The following GREB1L variants were observed in gnomAD, a reference collection of about 807,000 sequenced individuals.
GREB1L encodes the protein GREB1 like retinoic acid receptor coactivator.
Under a neutral mutation model 200.8 loss-of-function variants are expected in GREB1L, and 17 were observed. The ratio of observed to expected loss-of-function variants is 0.08; its 90% confidence interval spans 0.06 to 0.13. GREB1L has a LOEUF of 0.13. Ranked by LOEUF, GREB1L falls within the 10% of genes least tolerant of loss-of-function variation. GREB1L has a pLI of 1.00. For missense variants in GREB1L, 1,657 were observed against 2,367.7 expected (o/e 0.70, Z 6.23); for synonymous variants, 789 against 893.0 (o/e 0.88, Z 2.08).
chr18:21,267,276 G>T (rs1371691767), intron 1 of GREB1L, among the ~76,000 whole-genome samples: 1 of 150,768 alleles, frequency 6.6e-6, no homozygotes. Context: ...CTGCCTCCCG[G>T]GTTCAAGCGA....
At chr18:21,279,710 A>G (rs113667057) in intron 1 of GREB1L, among the ~76,000 whole-genome samples, 2 of 151,888 alleles carry the variant, frequency 1.3e-5, no homozygotes, top group Non-Finnish European at 2.9e-5. Flanking sequence ...TTTTCACAGG[A>G]TCGATCATCA....
intron 31 of GREB1L, among the ~76,000 whole-genome samples, chr18:21,519,979 G>A (rs1030574052): frequency 6.7e-6 from 1 of 150,370 alleles, no homozygotes; most frequent in Non-Finnish European, 1.5e-5. Flanking sequence ...GGAGTGCAAT[G>A]GTGCAATCTC....
intron 30 of GREB1L, among the ~76,000 whole-genome samples, chr18:21,517,479 C>T (rs2037461084): frequency 6.6e-6 from 1 of 152,154 alleles, no homozygotes; most frequent in African/African-American, 2.4e-5. Context: ...CTGCCTCAGC[C>T]ACCACGCACC....
At chr18:21,404,090 A>G (rs1016893739) in intron 7 of GREB1L, 96 bp downstream of exon 7, 14 of 1,073,860 alleles carry the variant, frequency 1.3e-5, no homozygotes, top group Non-Finnish European at 1.7e-5. Context: ...TTGAATAGAG[A>G]TATTTCAAAA....
At chr18:21,393,064 A>T (rs1407061947) in intron 4 of GREB1L, among the ~76,000 whole-genome samples, 1 of 151,950 alleles carries the variant, frequency 6.6e-6, no homozygotes, top group Non-Finnish European at 1.5e-5. Context: ...GAGCCACTGC[A>T]CCTCGCCTCA....
intron 2 of GREB1L, among the ~76,000 whole-genome samples, chr18:21,373,690 A>G (rs1413773937): frequency 6.6e-6 from 1 of 152,170 alleles, no homozygotes; most frequent in Non-Finnish European, 1.5e-5. Context: ...TCAAACTCTC[A>G]ATAATCAGGA....
intron 7 of GREB1L, among the ~76,000 whole-genome samples, chr18:21,419,178 T>A (rs1438748269): frequency 1.3e-5 from 2 of 152,198 alleles, no homozygotes; most frequent in African/African-American, 4.8e-5. Context: ...TGTCTAGGTT[T>A]ATGTAAGTAT....
intron 5 of GREB1L, among the ~76,000 whole-genome samples, chr18:21,397,328 TA>T (rs918044524): frequency 6.6e-6 from 1 of 150,390 alleles, no homozygotes; most frequent in East Asian, 2.0e-4. Flanking sequence ...CCGTCTCTAC[TA>T]AAAAAAACCC....
chr18:21,462,604 C>G (rs953470862), intron 15 of GREB1L, among the ~76,000 whole-genome samples: 3 of 152,182 alleles, frequency 2.0e-5, no homozygotes, highest in African/African-American at 7.2e-5. Flanking sequence ...TACACACCAC[C>G]ACACCCAGCT....
chr18:21,433,993 C>A (rs1274644667), intron 7 of GREB1L, among the ~76,000 whole-genome samples: 2 of 152,030 alleles, frequency 1.3e-5, no homozygotes, highest in East Asian at 3.9e-4. Flanking sequence ...TTTTCTTAAT[C>A]CAAAGAGCTT....
chr18:21,388,525 T>C (rs1475594215), intron 4 of GREB1L, among the ~76,000 whole-genome samples: 3 of 147,458 alleles, frequency 2.0e-5, no homozygotes, highest in Non-Finnish European at 4.5e-5. Context: ...TTATGTCTCC[T>C]TAGGTTCCTT....
intron 1 of GREB1L, among the ~76,000 whole-genome samples, chr18:21,317,234 C>A (rs2038885017): frequency 6.6e-6 from 1 of 150,658 alleles, no homozygotes; most frequent in South Asian, 2.1e-4. Context: ...ATTAATCAAT[C>A]AATTCAATCA....
chr18:21,440,382 A>G lies in GREB1L; in HGVS notation c.1063A>G (p.Arg355Gly). 6.4e-7 allele frequency: 1 copy of G among 1,551,636 alleles called. No homozygotes were observed. The highest frequency in any genetic ancestry group is 1.4e-5 in the African/African-American group (1 of 73,138). The change falls in exon 9 of 33, where the codon AGA becomes GGA. Residue 355 changes from arginine (R) to glycine (G), a missense_variant. Around this residue, in one of 9 missense-constraint regions of GREB1L, gnomAD observed 289 missense variants for 345.1 expected, o/e 0.84. Coordinates refer to ENST00000424526, the MANE Select transcript of GREB1L (RefSeq NM_001142966.3). Reference sequence around the variant, plus strand: ...TGTCCCTACAGTTCGCCCTCTTTCAAGAACGGGTAAGATTTTAACAGAAGA... The same window carrying G: ...TGTCCCTACAGTTCGCCCTCTTTCAGGAACGGGTAAGATTTTAACAGAAGA... ...VPVPTVRPLS[R>G]TEPLLSAPVP...
chr18:21,343,730 ATTTTTTTTTT>A (rs36120644), intron 1 of GREB1L, among the ~76,000 whole-genome samples: 3 of 114,952 alleles, frequency 2.6e-5, no homozygotes, highest in Non-Finnish European at 5.3e-5. Context: ...GAGAAGAGAG[ATTTTTTTTTT>A]TTTTTTTTTT....
chr18:21,364,071 CT>C (rs1352338678), intron 1 of GREB1L, among the ~76,000 whole-genome samples: 1 of 151,828 alleles, frequency 6.6e-6, no homozygotes, highest in African/African-American at 2.4e-5. Flanking sequence ...TTTCCTTCCT[CT>C]TTTTTTCTAA....
At chr18:21,353,974 A>G (rs2039470375) in intron 1 of GREB1L, among the ~76,000 whole-genome samples, 1 of 152,076 alleles carries the variant, frequency 6.6e-6, no homozygotes, top group Admixed American at 6.6e-5. Flanking sequence ...TTTTTGGTAT[A>G]GACAGGGTTT....
intron 1 of GREB1L, among the ~76,000 whole-genome samples, chr18:21,343,021 G>T (rs1223702508): frequency 2.0e-5 from 3 of 151,850 alleles, no homozygotes; most frequent in Middle Eastern, 3.4e-3. Context: ...GAAGATTTTT[G>T]ACCAATTTGG....
intron 21 of GREB1L, among the ~76,000 whole-genome samples, chr18:21,499,506 C>T (rs548252649): frequency 2.0e-5 from 3 of 152,290 alleles, no homozygotes; most frequent in East Asian, 3.9e-4. Flanking sequence ...AAGAAGCACC[C>T]CATCTCCTGC....
intron 1 of GREB1L, among the ~76,000 whole-genome samples, chr18:21,315,029 G>T (rs1277553749): frequency 6.6e-6 from 1 of 152,136 alleles, no homozygotes. Context: ...GGGTAGAGAG[G>T]TAAGGATTAC....
Sources: gnomAD v4.1 joint callset for allele counts (sites outside exome capture counted in the v4.1 genomes callset) on GRCh38, gnomAD v4.1.1 for gene constraint, gnomAD v4.1.1 regional missense constraint, MANE v1.5 for transcripts, NCBI Gene and HGNC (gene_info 2026-07-23, HGNC 2026-07-21) for gene names.